The following KCNJ6 variants were observed in gnomAD, a reference collection of about 807,000 sequenced individuals.
KCNJ6 encodes the protein G protein-activated inward rectifier potassium channel 2.
KCNJ6 carries 9 observed loss-of-function variants against 34.2 expected under a neutral mutation model. The ratio of observed to expected loss-of-function variants is 0.26; its 90% CI spans 0.16 to 0.46. KCNJ6 has a LOEUF of 0.46. KCNJ6 is among the 20% of genes least tolerant of loss of function. The pLI is 1.00. For missense variants in KCNJ6, 236 were observed against 531.3 expected, an observed-to-expected ratio of 0.44 and a Z score of 5.46; for synonymous variants, 196 against 207.1, an observed-to-expected ratio of 0.95 and a Z score of 0.46.
chr21:37,664,337 C>G (rs1015538831), intron 3 of KCNJ6, among the ~76,000 whole-genome samples: 1 of 151,864 alleles, frequency 6.6e-6, no homozygotes, highest in East Asian at 1.9e-4. Flanking sequence ...AATAAAGAGA[C>G]AATAAAGATG....
Position 37,761,643 on chromosome 21 carries a change from GTGTGTA to G in KCNJ6, c.26-46518_26-46513del, listed in dbSNP as rs1243640826. On this transcript the variant is annotated intron_variant, in intron 2 of 3. Transcript: ENST00000609713. The stretch of plus-strand genomic sequence containing the variant: ...GTGTATGTGTTGTGTGTTGTGTTGT[GTGTGTA>G]TATTTGTGTGTTGTATGTAGTTTGT... 3.4e-5 allele frequency among the ~76,000 whole-genome samples: 5 copies of G among 148,358 alleles called. No individual in the cohort carries two copies. The East Asian group carries it at 7.9e-4, about 24-fold the overall frequency.
intron 2 of KCNJ6, among the ~76,000 whole-genome samples, chr21:37,811,407 A>G (rs1220185355): frequency 6.6e-6 from 1 of 152,208 alleles, no homozygotes; most frequent in East Asian, 1.9e-4. Flanking sequence ...GATGTCCAGG[A>G]CTTGTGATTG....
At chr21:37,749,907 C>T (rs2054986594) in intron 2 of KCNJ6, among the ~76,000 whole-genome samples, 3 of 152,116 alleles carry the variant, frequency 2.0e-5, no homozygotes, top group South Asian at 2.1e-4. Flanking sequence ...TGCCTTGCAC[C>T]GTCGCCAAGA....
intron 2 of KCNJ6, among the ~76,000 whole-genome samples, chr21:37,719,963 T>C (rs1222411888): frequency 1.3e-5 from 2 of 152,098 alleles, no homozygotes; most frequent in Non-Finnish European, 2.9e-5. Context: ...CAAGAAAACA[T>C]ACAAAAAGTA....
chr21:37,789,214 C>T (rs2055205790), intron 2 of KCNJ6, among the ~76,000 whole-genome samples: 1 of 152,158 alleles, frequency 6.6e-6, no homozygotes, highest in Non-Finnish European at 1.5e-5. Context: ...CCTTTACACC[C>T]TATTTATGGA....
At chr21:37,806,404 C>T (rs955850173) in intron 2 of KCNJ6, among the ~76,000 whole-genome samples, 2 of 152,196 alleles carry the variant, frequency 1.3e-5, no homozygotes, top group Non-Finnish European at 2.9e-5. Context: ...ATCCACATTT[C>T]TGCAAAATAG....
At chr21:37,800,301 G>A (rs182762898) in intron 2 of KCNJ6, among the ~76,000 whole-genome samples, 111 of 152,266 alleles carry the variant, frequency 7.3e-4, no homozygotes, top group African/African-American at 2.6e-3. Context: ...ACCTCAGGGT[G>A]TTGGAGAAAG....
chr21:37,766,061 A>C (rs1033287712), intron 2 of KCNJ6, among the ~76,000 whole-genome samples: 2 of 152,242 alleles, frequency 1.3e-5, no homozygotes, highest in Non-Finnish European at 2.9e-5. Flanking sequence ...CCAGCACGCC[A>C]CTAGTTAGAA....
At chr21:37,772,309 T>C (rs2055121349) in intron 2 of KCNJ6, among the ~76,000 whole-genome samples, 1 of 152,152 alleles carries the variant, frequency 6.6e-6, no homozygotes. Flanking sequence ...TACCAGTTGG[T>C]GAAGTGAAAA....
chr21:37,818,364 T>C (rs2055357807), intron 2 of KCNJ6, among the ~76,000 whole-genome samples: 1 of 152,132 alleles, frequency 6.6e-6, no homozygotes, highest in Non-Finnish European at 1.5e-5. Flanking sequence ...TAATACATTA[T>C]CTAAAAGGCG....
At chr21:37,899,265 G>A (rs998088855) in intron 1 of KCNJ6, among the ~76,000 whole-genome samples, 4 of 152,064 alleles carry the variant, frequency 2.6e-5, no homozygotes, top group Non-Finnish European at 4.4e-5. Context: ...TCATGACATC[G>A]CTTTAATGAT....
At chr21:37,887,726 A>T (rs1250005962) in intron 1 of KCNJ6, among the ~76,000 whole-genome samples, 1 of 152,214 alleles carries the variant, frequency 6.6e-6, no homozygotes, top group Non-Finnish European at 1.5e-5. Flanking sequence ...AGTTCTGGGG[A>T]AAAAGGTGAT....
At chr21:37,655,268 AGAGAGAGAGAGAGAGAGT>A (rs765185279) in intron 3 of KCNJ6, among the ~76,000 whole-genome samples, 10,837 of 82,590 alleles carry the variant, frequency 0.13, 617 homozygotes, top group South Asian at 0.26. Context: ...AGAGAGAGAG[AGAGAGAGAGAGAGAGAGT>A]GTAACCATGA....
At chr21:37,637,609 G>T (rs1402482997) in intron 3 of KCNJ6, among the ~76,000 whole-genome samples, 1 of 152,160 alleles carries the variant, frequency 6.6e-6, no homozygotes, top group African/African-American at 2.4e-5. Flanking sequence ...TCTTATGTGT[G>T]AGCAAACTAA....
In KCNJ6 at chr21:37,608,974, CT is replaced by C. The variant is rs1231904212; in HGVS notation, c.*16184del. 1 of 152,132 alleles carries C rather than the reference CT, an allele frequency of 6.6e-6. No individual in the cohort carries two copies. 9.4% of individuals were successfully genotyped at this position (152,132 alleles called of 1,614,324 possible). A position where few individuals can be genotyped will look rare whatever the true frequency, so the allele number is the denominator to read the frequency against. ...TAGTTTTAGTTGCCTGTTGGGATCC[CT>C]GAGTATAAAAATACAAGTGTGTGCC... On this transcript the variant is annotated 3_prime_UTR_variant, in exon 4 of 4. Transcript: ENST00000609713.
intron 2 of KCNJ6, among the ~76,000 whole-genome samples, chr21:37,783,493 C>T (rs1157934404): frequency 6.6e-6 from 1 of 152,152 alleles, no homozygotes; most frequent in Non-Finnish European, 1.5e-5. Context: ...TTTTGCCTCC[C>T]ACCATGATTC....
intron 2 of KCNJ6, among the ~76,000 whole-genome samples, chr21:37,823,087 C>T (rs2055381680): frequency 6.6e-6 from 1 of 152,132 alleles, no homozygotes; most frequent in African/African-American, 2.4e-5. Context: ...TCACCCTCCC[C>T]TAAACCCGAG....
At chr21:37,852,319 A>G (rs1231631386) in intron 1 of KCNJ6, among the ~76,000 whole-genome samples, 1 of 152,222 alleles carries the variant, frequency 6.6e-6, no homozygotes, top group African/African-American at 2.4e-5. Context: ...CCAGAGCCAC[A>G]GGGGAGGTAT....
At chr21:37,826,968 C>T (rs182286877) in intron 2 of KCNJ6, among the ~76,000 whole-genome samples, 1 of 152,218 alleles carries the variant, frequency 6.6e-6, no homozygotes, top group East Asian at 1.9e-4. Flanking sequence ...AAAGGCTTGT[C>T]CCTGGGATGT....
Sources: gnomAD v4.1 joint callset for allele counts (sites outside exome capture counted in the v4.1 genomes callset) on GRCh38, gnomAD v4.1.1 for gene constraint, MANE v1.5 for transcripts, NCBI Gene and HGNC (gene_info 2026-07-23, HGNC 2026-07-21) for gene names.